Variants in MAP3K1 observed in about 807,000 individuals in gnomAD.
MAP3K1 encodes the protein mitogen-activated protein kinase kinase kinase 1.
A neutral mutation model predicts 144.2 loss-of-function variants in MAP3K1; 36 were observed. The observed-to-expected ratio is 0.25, with a 90% confidence interval of 0.19 to 0.33. The LOEUF (loss-of-function observed/expected upper bound fraction) is 0.33. Ranked by LOEUF, MAP3K1 falls within the 10% of genes least tolerant of loss-of-function variation. MAP3K1 has a pLI of 1.00. For missense variants in MAP3K1, 1,650 were observed against 1,881.9 expected, an observed-to-expected ratio of 0.88 and a Z score of 2.28; for synonymous variants, 718 against 688.7, an observed-to-expected ratio of 1.04 and a Z score of -0.67.
chr5:56,865,916 C>A lies in MAP3K1; in HGVS notation c.1240C>A (p.Arg414Ser). 1 of 1,612,872 alleles carries A rather than the reference C, an allele frequency of 6.2e-7. No homozygotes were observed. The highest frequency in any genetic ancestry group is 1.7e-4 in the Middle Eastern group (1 of 6,060). Residue 414 changes from arginine to serine, a missense_variant, in exon 6 of 20, where the codon CGC (arginine) becomes AGC (serine). Arg to Ser is a moderately radical substitution (Grantham distance 110). Around this residue, in one of 6 missense-constraint regions of MAP3K1, gnomAD observed 125 missense variants for 179.9 expected, o/e 0.69. Transcript: ENST00000399503. ...SRNTIQKFVSRMSNSHTLSSS... is the reference protein window; with the variant it reads ...SRNTIQKFVSSMSNSHTLSSS... ...TAACACCATCCAGAAGTTTGTTTCA[C>A]GCATGTCAAATTCTCATACATTGTC...
In MAP3K1 at chr5:56,895,976, C is replaced by CAA. The variant is rs34130917; in HGVS notation, c.*2313_*2314dup. 19,984 of 180,994 alleles carry CAA rather than the reference C, an allele frequency of 0.11. 958 individuals carry two copies. The highest frequency in any genetic ancestry group is 0.18 in the African/African-American group (6,379 of 35,522). The allele number at this position is 180,994 out of a possible 1,614,324, so 11.2% of individuals were successfully genotyped here. On this transcript the variant is annotated 3_prime_UTR_variant, in exon 20 of 20. Coordinates refer to ENST00000399503, the MANE Select transcript of MAP3K1 (RefSeq NM_005921.2). Reference sequence around the variant, plus strand: ...CACCTTACTGTGTAAGCAAATGTTACAAAAAAAAAAAAAAAAAATCTCTGG... The same window carrying CAA: ...CACCTTACTGTGTAAGCAAATGTTACAAAAAAAAAAAAAAAAAAAATCTCTGG...
rs1410835646 is a variant in MAP3K1, at chr5:56,856,715, G to A, written c.598G>A (p.Glu200Lys). 3 of 1,614,044 alleles carry A rather than the reference G, an allele frequency of 1.9e-6. No homozygotes were observed. The highest frequency in any genetic ancestry group is 8.5e-7 in the Non-Finnish European group (1 of 1,179,922). The change falls in exon 2 of 20, where the codon GAA (glutamate) becomes AAA (lysine). Residue 200 changes from glutamate to lysine, a missense_variant. Physicochemically the swap from Glu to Lys is moderately conservative, Grantham distance 56. Transcript: ENST00000399503. ...AACCTGTATGCCAGCCTGGAAGCACGAATGGTTGGAAAGGAGAAATAGGCG... is the reference window on the plus strand; with the variant it reads ...AACCTGTATGCCAGCCTGGAAGCACAAATGGTTGGAAAGGAGAAATAGGCG... ...KATCMPAWKH[E>K]WLERRNRRGP...
chr5:56,816,491 T>G (rs2111731130), intron 1 of MAP3K1, among the ~76,000 whole-genome samples: 1 of 150,736 alleles, frequency 6.6e-6, no homozygotes. Context: ...CGGGCGGTGG[T>G]CGGAAGAGGG....
chr5:56,893,667 G>A lies in MAP3K1; in HGVS notation c.4526G>A (p.Arg1509His), dbSNP rs373075979. 6.8e-6 allele frequency: 11 copies of A among 1,613,684 alleles called. No individual in the cohort carries two copies. Among genetic ancestry groups the A allele is most frequent in the Non-Finnish European group, 9.3e-6 (11 of 1,179,826 alleles). The part of the protein sequence containing the change: ...SRELLKHPVF[R>H]TTW ...GAGCTACTGAAGCATCCAGTCTTTC[G>A]TACTACATGGTAGCCAATTATGCAG... The change falls in exon 20 of 20, where the codon CGT becomes CAT. Residue 1509 changes from arginine to histidine, a missense_variant. Around this residue, in one of 6 missense-constraint regions of MAP3K1, gnomAD observed 165 missense variants for 322.9 expected, o/e 0.51. Transcript: ENST00000399503.
intron 1 of MAP3K1, among the ~76,000 whole-genome samples, chr5:56,839,276 ACATTTTTGATGTTGTGG>A (rs1427077395): frequency 6.6e-6 from 1 of 152,232 alleles, no homozygotes; most frequent in Non-Finnish European, 1.5e-5. Flanking sequence ...GTATATTGGG[ACATTTTTGATGTTGTGG>A]CTTAATTGAC....
intron 1 of MAP3K1, among the ~76,000 whole-genome samples, chr5:56,846,223 A>G (rs955793958): frequency 1.3e-5 from 2 of 152,150 alleles, no homozygotes; most frequent in African/African-American, 2.4e-5. Flanking sequence ...CATTTTTACA[A>G]TTTTCATTTG....
At chr5:56,837,403 TGG>T (rs1746686822) in intron 1 of MAP3K1, among the ~76,000 whole-genome samples, 1 of 152,176 alleles carries the variant, frequency 6.6e-6, no homozygotes, top group Admixed American at 6.5e-5. Flanking sequence ...AGTCTTTTCC[TGG>T]GGTTGAAAGC....
chr5:56,876,261 C>G (rs1390771941), intron 10 of MAP3K1, among the ~76,000 whole-genome samples: 1 of 151,724 alleles, frequency 6.6e-6, no homozygotes, highest in Non-Finnish European at 1.5e-5. Flanking sequence ...AGCAAACCCA[C>G]CCCCACCCGA....
rs5868032 is a variant in MAP3K1, at chr5:56,882,021, T to TCAACAA, written c.2842_2847dup (p.Thr948_Thr949dup). 2.2e-5 allele frequency: 34 copies of TCAACAA among 1,572,492 alleles called. No individual in the cohort carries two copies. The East Asian group carries it at 5.4e-4, about 25-fold the overall frequency. Reference sequence around the variant, plus strand: ...CAGCATTTCAGTAGGACCTTCTAGTTCAACAACAACAACAACAACAACAAC... The same window carrying TCAACAA: ...CAGCATTTCAGTAGGACCTTCTAGTTCAACAACAACAACAACAACAACAACAACAAC... On this transcript the variant is annotated inframe_insertion, in exon 14 of 20. Coordinates refer to ENST00000399503, the MANE Select transcript of MAP3K1 (RefSeq NM_005921.2).
chr5:56,872,890 A>T lies in MAP3K1; in HGVS notation c.1571A>T (p.Gln524Leu). 4 of 1,614,156 alleles carry T rather than the reference A, an allele frequency of 2.5e-6. No homozygotes were observed. In the South Asian group the frequency reaches 4.4e-5, roughly 18 times the overall value. ...SLRAAQQQTV[Q>L]QQPLAGSRRN... Reference sequence around the variant, plus strand: ...AGAGCTGCACAGCAGCAAACCGTACAGCAGCAGCCTTTGGCTGGATCACGA... The same window carrying T: ...AGAGCTGCACAGCAGCAAACCGTACTGCAGCAGCCTTTGGCTGGATCACGA... The change falls in exon 9 of 20, where the codon CAG (glutamine) becomes CTG (leucine). Residue 524 changes from glutamine to leucine, a missense_variant. Gln to Leu is a moderately radical substitution (Grantham distance 113). Around this residue, in one of 6 missense-constraint regions of MAP3K1, gnomAD observed 841 missense variants for 886.5 expected, o/e 0.95. Transcript: ENST00000399503.
intron 1 of MAP3K1, among the ~76,000 whole-genome samples, chr5:56,831,476 A>T (rs1230250067): frequency 6.6e-6 from 1 of 152,130 alleles, no homozygotes; most frequent in Non-Finnish European, 1.5e-5. Context: ...TTTTTAACCC[A>T]TGATTTCTAA....
intron 16 of MAP3K1, among the ~76,000 whole-genome samples, chr5:56,885,499 G>A (rs1748353600): frequency 6.6e-6 from 1 of 152,294 alleles, no homozygotes; most frequent in South Asian, 2.1e-4. Context: ...CATGTTCCAG[G>A]TCAGAGCTAG....
intron 16 of MAP3K1, 119 bp downstream of exon 16, chr5:56,884,945 A>G: frequency 1.2e-6 from 1 of 837,424 alleles, no homozygotes; most frequent in Non-Finnish European, 1.9e-6. Flanking sequence ...CTAAAAACAA[A>G]TCACCCCAAT....
chr5:56,844,224 C>G (rs1187378140), intron 1 of MAP3K1, among the ~76,000 whole-genome samples: 1 of 122,570 alleles, frequency 8.2e-6, no homozygotes, highest in Non-Finnish European at 1.6e-5. Context: ...GAGTCTCGCT[C>G]TGTCGCCCAG....
intron 1 of MAP3K1, among the ~76,000 whole-genome samples, chr5:56,830,166 TATA>T (rs1746442685): frequency 6.6e-6 from 1 of 152,218 alleles, no homozygotes. Flanking sequence ...TATTGTGTAA[TATA>T]ATGCTTTCTT....
At chr5:56,891,391 T>C (rs539021439) in intron 19 of MAP3K1, among the ~76,000 whole-genome samples, 2 of 152,280 alleles carry the variant, frequency 1.3e-5, no homozygotes, top group African/African-American at 4.8e-5. Flanking sequence ...AGTTTTCTTG[T>C]GATTAGGAGT....
chr5:56,854,821 C>T (rs566887734), intron 1 of MAP3K1, among the ~76,000 whole-genome samples: 48 of 152,292 alleles, frequency 3.2e-4, no homozygotes, highest in African/African-American at 1.1e-3. Flanking sequence ...GCACCTTGGT[C>T]TAGGAGTGCA....
At chr5:56,830,747 A>G (rs1033015789) in intron 1 of MAP3K1, among the ~76,000 whole-genome samples, 5 of 152,092 alleles carry the variant, frequency 3.3e-5, no homozygotes, top group African/African-American at 1.2e-4. Context: ...TCCTTATACT[A>G]TTGGGTTACT....
intron 1 of MAP3K1, among the ~76,000 whole-genome samples, chr5:56,833,559 C>T (rs999014030): frequency 2.0e-5 from 3 of 152,124 alleles, no homozygotes; most frequent in African/African-American, 7.2e-5. Flanking sequence ...TCTGCATGCT[C>T]CCAGGGAGCT....
Sources: allele counts gnomAD v4.1 joint callset (sites outside exome capture counted in the v4.1 genomes callset), GRCh38; gene constraint gnomAD v4.1.1; regional missense constraint gnomAD v4.1.1; transcripts MANE v1.5; gene names NCBI Gene and HGNC (gene_info 2026-07-23, HGNC 2026-07-21).